The following NTRK3 variants were observed in gnomAD, a reference collection of about 807,000 sequenced individuals.
NTRK3 encodes NT-3 growth factor receptor.
Under a neutral mutation model 91.7 loss-of-function variants are expected in NTRK3, and 24 were observed. The observed-to-expected ratio is 0.26, with a 90% CI of 0.19 to 0.37. The LOEUF (loss-of-function observed/expected upper bound fraction) is 0.37. Ranked by LOEUF, NTRK3 falls within the 10% of genes least tolerant of loss-of-function variation. The pLI, the probability that NTRK3 is intolerant of heterozygous loss-of-function variation, is 1.00. For missense variants in NTRK3, 880 were observed against 1,068.9 expected, an observed-to-expected ratio of 0.82 and a Z score of 2.46; for synonymous variants, 483 against 404.0, an observed-to-expected ratio of 1.20 and a Z score of -2.34.
intron 14 of NTRK3, chr15:87,979,113 G>A (rs2073977604): frequency 1.7e-6 from 1 of 600,174 alleles, no homozygotes; most frequent in African/African-American, 1.9e-5. Flanking sequence ...CTGCCTCGTA[G>A]GCCGGGAAAA....
chr15:88,210,579 C>T (rs2049154720), intron 3 of NTRK3, among the ~76,000 whole-genome samples: 1 of 152,206 alleles, frequency 6.6e-6, no homozygotes, highest in South Asian at 2.1e-4. Context: ...CAGGTGGTGC[C>T]TGTGAAGATG....
At chr15:87,863,978 C>CAT in exon 19 of NTRK3, 1 of 192,424 alleles carries the variant, frequency 5.2e-6, no homozygotes, top group Non-Finnish European at 1.0e-5. Flanking sequence ...GCAAAATACA[C>CAT]ACACACACAC....
chr15:88,069,775 A>C lies in NTRK3; in HGVS notation c.1397-36730T>G, dbSNP rs887463326. On this transcript the variant is annotated intron_variant, in intron 13 of 18. Coordinates refer to ENST00000394480, the Ensembl canonical transcript of NTRK3. ...TTCTCATTCTCTCCTTTAGTGTTTC[A>C]CTGTTTACATGGTACACGTCCAAAT... Among the ~76,000 whole-genome samples, 6 of 152,254 alleles carry C rather than the reference A, an allele frequency of 3.9e-5. No individual in the cohort carries two copies. In the East Asian group the frequency reaches 9.7e-4, roughly 25 times the overall value.
At chr15:88,006,077 C>T (rs1401177460) in intron 14 of NTRK3, among the ~76,000 whole-genome samples, 1 of 152,162 alleles carries the variant, frequency 6.6e-6, no homozygotes, top group Non-Finnish European at 1.5e-5. Flanking sequence ...TTGTAATTTA[C>T]AGCATCTGTA....
chr15:88,028,037 G>A (rs2078189831), intron 14 of NTRK3, among the ~76,000 whole-genome samples: 1 of 152,176 alleles, frequency 6.6e-6, no homozygotes, highest in Non-Finnish European at 1.5e-5. Flanking sequence ...AAAGGAGAGG[G>A]AGTGAGGGTG....
Position 88,123,753 on chromosome 15 carries a change from A to T in NTRK3, c.1396+2518T>A, listed in dbSNP as rs567975440. 1.9e-3 allele frequency among the ~76,000 whole-genome samples: 284 copies of T among 152,348 alleles called. 1 individual carries two copies. The highest frequency in any genetic ancestry group is 6.6e-3 in the African/African-American group (275 of 41,588). ...GGCTTCCAAGTCATAGGCATATTCA[A>T]AGATTTTCTGATTGGCAATTGGTTG... On this transcript the variant is annotated intron_variant, in intron 13 of 18. Coordinates refer to ENST00000394480, the Ensembl canonical transcript of NTRK3.
intron 14 of NTRK3, among the ~76,000 whole-genome samples, chr15:87,984,598 G>T (rs2074577094): frequency 6.6e-6 from 1 of 152,244 alleles, no homozygotes; most frequent in Non-Finnish European, 1.5e-5. Context: ...ATTACTCTGA[G>T]ATTGCAAACC....
intron 14 of NTRK3, among the ~76,000 whole-genome samples, chr15:87,966,074 TCAAACAAA>T (rs3028147): frequency 0.013 from 1,857 of 148,544 alleles, 20 homozygotes; most frequent in African/African-American, 0.026. Context: ...CAAAACTGTC[TCAAACAAA>T]CAAACAAACA....
intron 3 of NTRK3, chr15:88,209,879 G>C (rs2049096380): frequency 6.6e-6 from 1 of 152,276 alleles, no homozygotes; most frequent in African/African-American, 2.4e-5. Flanking sequence ...GGCAGGGAAT[G>C]GATCTGGGCA....
At chr15:87,896,700 T>C (rs930368110) in intron 17 of NTRK3, among the ~76,000 whole-genome samples, 4 of 152,160 alleles carry the variant, frequency 2.6e-5, no homozygotes, top group Non-Finnish European at 5.9e-5. Flanking sequence ...CTACAATACA[T>C]GAGTGTGCAC....
chr15:88,248,224 G>A (rs1039011649), intron 3 of NTRK3, among the ~76,000 whole-genome samples: 2 of 152,186 alleles, frequency 1.3e-5, no homozygotes, highest in African/African-American at 4.8e-5. Context: ...TGGGGTGGAT[G>A]AGGAGGCCTG....
At chr15:88,129,294 C>T (rs2053589769) in intron 10 of NTRK3, among the ~76,000 whole-genome samples, 1 of 152,200 alleles carries the variant, frequency 6.6e-6, no homozygotes, top group African/African-American at 2.4e-5. Flanking sequence ...ATAATGAAAG[C>T]TAATCCTTAT....
intron 13 of NTRK3, among the ~76,000 whole-genome samples, chr15:88,044,613 G>A (rs1438602975): frequency 8.4e-6 from 1 of 119,724 alleles, no homozygotes; most frequent in Non-Finnish European, 1.6e-5. Context: ...TAATCATACG[G>A]CCAAAAGCAC....
At chr15:88,081,218 C>T (rs2048012425) in intron 13 of NTRK3, among the ~76,000 whole-genome samples, 1 of 152,100 alleles carries the variant, frequency 6.6e-6, no homozygotes, top group African/African-American at 2.4e-5. Context: ...AGAAATGAGA[C>T]AGAAAGCCTT....
intron 5 of NTRK3, among the ~76,000 whole-genome samples, chr15:88,170,168 G>A (rs1597731551): frequency 6.6e-6 from 1 of 152,220 alleles, no homozygotes; most frequent in Non-Finnish European, 1.5e-5. Flanking sequence ...GGACCCCAAG[G>A]GCCATTGTGA....
chr15:87,905,049 T>A (rs2066682930), intron 17 of NTRK3, among the ~76,000 whole-genome samples: 1 of 152,138 alleles, frequency 6.6e-6, no homozygotes, highest in Admixed American at 6.5e-5. Flanking sequence ...CTTGATGAGG[T>A]AACCCTACCC....
At chr15:88,190,799 G>A (rs1481624896) in intron 3 of NTRK3, among the ~76,000 whole-genome samples, 9 of 152,222 alleles carry the variant, frequency 5.9e-5, no homozygotes. Flanking sequence ...ACTAGTTGTG[G>A]TGAGGGTTAG....
chr15:88,168,800 C>T (rs1029095140), intron 5 of NTRK3, among the ~76,000 whole-genome samples: 1 of 152,204 alleles, frequency 6.6e-6, no homozygotes, highest in African/African-American at 2.4e-5. Flanking sequence ...TGAGAGGCAC[C>T]AGCACAGTAT....
intron 14 of NTRK3, chr15:87,978,682 G>A (rs1441136515): frequency 8.6e-6 from 2 of 232,708 alleles, no homozygotes; most frequent in East Asian, 1.2e-4. Context: ...GAGGAAGTAG[G>A]GGGCAAGTAT....
Sources: allele counts gnomAD v4.1 joint callset (sites outside exome capture counted in the v4.1 genomes callset), GRCh38; gene constraint gnomAD v4.1.1; transcripts MANE v1.5; gene names NCBI Gene and HGNC (gene_info 2026-07-23, HGNC 2026-07-21).